Variants in HOOK3 observed in about 807,000 individuals in gnomAD.
The protein encoded by HOOK3 is protein Hook homolog 3.
In HOOK3, 24 loss-of-function variants were observed where a neutral mutation model predicts 116.3. The ratio of observed to expected loss-of-function variants is 0.21; its 90% CI spans 0.15 to 0.29. The LOEUF (loss-of-function observed/expected upper bound fraction) is 0.29. Among genes scored for constraint, HOOK3 ranks in the 10% least tolerant of loss-of-function variants. The pLI, the probability that HOOK3 is intolerant of heterozygous loss-of-function variation, is 1.00. For synonymous variants in HOOK3, 275 were observed against 283.0 expected, an observed-to-expected ratio of 0.97 and a Z score of 0.28; for missense variants, 632 against 830.2, an observed-to-expected ratio of 0.76 and a Z score of 2.93.
At chr8:42,997,482 T>C (rs760196846) in intron 15 of HOOK3, 68 bp from the exon 16 acceptor site, 118 of 920,240 alleles carry the variant, frequency 1.3e-4, no homozygotes, top group Non-Finnish European at 1.8e-4. Flanking sequence ...CTAACTAATA[T>C]GACAACCTAG....
chr8:42,939,481 C>T lies in HOOK3; in HGVS notation c.268-3832C>T, dbSNP rs1380512686. ...CCCAGTAGGGGCGGCCGGGCAGAGG[C>T]GCCCCTCACCTCCCGGACGGGGCGG... is the stretch of plus-strand genomic sequence containing the variant. On this transcript the variant is annotated intron_variant, in intron 4 of 21. Coordinates refer to ENST00000307602, the MANE Select transcript of HOOK3 (RefSeq NM_032410.4). Among the ~76,000 whole-genome samples, 11 of 144,650 alleles carry T rather than the reference C, an allele frequency of 7.6e-5. No homozygotes were observed. In the East Asian group the frequency reaches 8.6e-4, roughly 11 times the overall value. The allele number at this position is 144,650 out of a possible 152,430, so 94.9% of individuals were successfully genotyped here.
chr8:42,932,388 A>G (rs1807891089), intron 4 of HOOK3, among the ~76,000 whole-genome samples: 1 of 152,174 alleles, frequency 6.6e-6, no homozygotes, highest in African/African-American at 2.4e-5. Context: ...GATAAAAAAG[A>G]ATAGAAAATG....
Position 42,976,243 on chromosome 8 carries a change from A to G in HOOK3, c.1321+2049A>G, listed in dbSNP as rs1046065567. Among the ~76,000 whole-genome samples the G allele has an allele frequency of 1.2e-4, 18 of 152,060 alleles. 1 individual carries two copies. The highest frequency in any genetic ancestry group is 4.1e-4 in the South Asian group (2 of 4,824). On this transcript the variant is annotated intron_variant, in intron 13 of 21. Transcript: ENST00000307602. ...CAAATTTAGGCCAGGCATGGTGGTC[A>G]TGCCTGTAATCTAACCCTTGGGGAG...
chr8:42,990,325 CTTTTTTTTTTTTTTTTTTTTTTTTTTT>C (rs59033055), intron 15 of HOOK3, among the ~76,000 whole-genome samples: 1 of 37,882 alleles, frequency 2.6e-5, no homozygotes, highest in Non-Finnish European at 5.3e-5. Flanking sequence ...CTGTTTAGAT[CTTTTTTTTTTTTTTTTTTTTTTTTTTT>C]TTTTTTTTTT....
At chr8:42,949,953 C>T (rs1474884876) in intron 5 of HOOK3, among the ~76,000 whole-genome samples, 1 of 150,998 alleles carries the variant, frequency 6.6e-6, no homozygotes, top group South Asian at 2.1e-4. Context: ...CAGAATAATG[C>T]AGCACGTTGA....
intron 2 of HOOK3, 50 bp downstream of exon 2, chr8:42,906,308 G>T (rs777137631): frequency 7.8e-7 from 1 of 1,281,932 alleles, no homozygotes; most frequent in Non-Finnish European, 1.1e-6. Flanking sequence ...ATGGATATTT[G>T]TTAGGTTGAA....
At chr8:42,994,227 G>A (rs1359558664) in intron 15 of HOOK3, among the ~76,000 whole-genome samples, 1 of 152,112 alleles carries the variant, frequency 6.6e-6, no homozygotes, top group Admixed American at 6.6e-5. Context: ...TGTTGGCCAG[G>A]CTTGTCTCAA....
At chr8:42,976,711 C>G (rs969154057) in intron 13 of HOOK3, among the ~76,000 whole-genome samples, 29 of 152,032 alleles carry the variant, frequency 1.9e-4, no homozygotes, top group Non-Finnish European at 3.8e-4. Flanking sequence ...TCCTGGCTAA[C>G]ACGGTGAAAC....
intron 15 of HOOK3, among the ~76,000 whole-genome samples, chr8:42,989,696 T>C (rs1809119450): frequency 1.3e-5 from 2 of 152,150 alleles, no homozygotes; most frequent in Admixed American, 1.3e-4. Flanking sequence ...TACTAGGTCT[T>C]ATTCATTCTT....
chr8:42,960,588 G>A (rs1380414067), intron 8 of HOOK3, among the ~76,000 whole-genome samples: 1 of 152,172 alleles, frequency 6.6e-6, no homozygotes, highest in Admixed American at 6.5e-5. Flanking sequence ...GAAAGGGAGA[G>A]CCAGAAATGA....
chr8:43,010,681 A>G (rs1002695079), intron 19 of HOOK3, among the ~76,000 whole-genome samples: 21 of 152,230 alleles, frequency 1.4e-4, no homozygotes, highest in African/African-American at 4.8e-4. Context: ...AACAACACCA[A>G]TTAATGATAG....
chr8:42,930,262 A>T, intron 4 of HOOK3, 90 bp downstream of exon 4: 1 of 1,121,524 alleles, frequency 8.9e-7, no homozygotes, highest in Non-Finnish European at 1.2e-6. Flanking sequence ...AATTGCTTTC[A>T]AAATTAATAA....
At chr8:43,017,746 G>C (rs918005893) in intron 21 of HOOK3, among the ~76,000 whole-genome samples, 2 of 152,108 alleles carry the variant, frequency 1.3e-5, no homozygotes, top group African/African-American at 2.4e-5. Context: ...AGGTGCTCTG[G>C]GTCCAGCAGT....
At chr8:42,990,255 G>A (rs1258138373) in intron 15 of HOOK3, among the ~76,000 whole-genome samples, 3 of 139,556 alleles carry the variant, frequency 2.1e-5, no homozygotes, top group African/African-American at 5.2e-5. Flanking sequence ...CTCAGCTTCC[G>A]AAAGTGCTGG....
chr8:42,923,226 T>C (rs758485348), intron 2 of HOOK3, among the ~76,000 whole-genome samples: 40 of 152,234 alleles, frequency 2.6e-4, no homozygotes, highest in Non-Finnish European at 1.9e-4. Flanking sequence ...TTGGCAAGGC[T>C]GTAGAGAACA....
At position 43,026,180 on chromosome 8, in the gene HOOK3, T is replaced by G. The variant is rs1809930303; in HGVS notation, c.*7682T>G. Reference sequence around the variant, plus strand: ...TAAAATTAATAAAAAGGACTCATGTTTATTCTGGTGTATTTGTCAACCCAT... The same window carrying G: ...TAAAATTAATAAAAAGGACTCATGTGTATTCTGGTGTATTTGTCAACCCAT... On this transcript the variant is annotated 3_prime_UTR_variant, in exon 22 of 22. Coordinates refer to ENST00000307602, the MANE Select transcript of HOOK3 (RefSeq NM_032410.4). 1 of 204,224 alleles carries G rather than the reference T, an allele frequency of 4.9e-6. No homozygotes were observed. The highest frequency in any genetic ancestry group is 7.5e-5 in the East Asian group (1 of 13,280). The allele number at this position is 204,224 out of a possible 1,614,324, so 12.7% of individuals were successfully genotyped here.
At chr8:43,005,661 GTATTTA>G (rs1195066216) in intron 17 of HOOK3, among the ~76,000 whole-genome samples, 1 of 151,014 alleles carries the variant, frequency 6.6e-6, no homozygotes, top group Non-Finnish European at 1.5e-5. Flanking sequence ...GGGATGATTT[GTATTTA>G]TTTTTATTTT....
chr8:43,008,244 T>G (rs1370414717), intron 18 of HOOK3, among the ~76,000 whole-genome samples: 1 of 152,010 alleles, frequency 6.6e-6, no homozygotes, highest in Non-Finnish European at 1.5e-5. Flanking sequence ...GGTTTCGATC[T>G]CCTGACCTCG....
intron 7 of HOOK3, among the ~76,000 whole-genome samples, chr8:42,958,635 T>G (rs1390755311): frequency 6.7e-6 from 1 of 148,622 alleles, no homozygotes; most frequent in Non-Finnish European, 1.5e-5. Context: ...CTGAGATACC[T>G]GTGCAGAATG....
Sources: allele counts gnomAD v4.1 joint callset (sites outside exome capture counted in the v4.1 genomes callset), GRCh38; gene constraint gnomAD v4.1.1; transcripts MANE v1.5; gene names NCBI Gene and HGNC (gene_info 2026-07-23, HGNC 2026-07-21).